The following GIPC2 variants were observed in gnomAD, a reference collection of about 807,000 sequenced individuals.
GIPC2 encodes the protein PDZ domain-containing protein GIPC2.
GIPC2 carries 30 observed loss-of-function variants against 30.6 expected under a neutral mutation model. The observed-to-expected ratio is 0.98, with a 90% CI of 0.73 to 1.33. The LOEUF (loss-of-function observed/expected upper bound fraction) is 1.33, where lower values mean the gene tolerates loss of function less well. Ranked by LOEUF, GIPC2 falls within the 40% of genes most tolerant of loss-of-function variation. The pLI is 0.00. For missense variants in GIPC2, 414 were observed against 390.3 expected (o/e 1.06, Z -0.51); for synonymous variants, 167 against 150.0 (o/e 1.11, Z -0.83).
intron 1 of GIPC2, among the ~76,000 whole-genome samples, chr1:78,058,583 A>G (rs1285705133): frequency 1.3e-5 from 2 of 152,156 alleles, no homozygotes; most frequent in Non-Finnish European, 2.9e-5. Flanking sequence ...GGTTTCCTAA[A>G]ATGTGTTCCA....
chr1:78,125,833 C>T (rs1557551308), intron 4 of GIPC2, 48 bp from the exon 5 acceptor site: 5 of 1,013,636 alleles, frequency 4.9e-6, no homozygotes, highest in African/African-American at 3.2e-5. Flanking sequence ...CCCTGACAAT[C>T]AAGAGATTTT....
intron 3 of GIPC2, among the ~76,000 whole-genome samples, chr1:78,107,960 TTCC>T (rs1662392246): frequency 6.6e-6 from 1 of 152,054 alleles, no homozygotes; most frequent in Non-Finnish European, 1.5e-5. Flanking sequence ...TTATAAATAG[TTCC>T]ATGTGAGAAA....
intron 4 of GIPC2, among the ~76,000 whole-genome samples, chr1:78,121,551 C>T (rs148829656): frequency 2.3e-4 from 35 of 152,112 alleles, no homozygotes; most frequent in Admixed American, 8.5e-4. Context: ...TTAGGAATGT[C>T]GAGGCACCCA....
intron 1 of GIPC2, among the ~76,000 whole-genome samples, chr1:78,053,387 A>G (rs1296662621): frequency 6.6e-6 from 1 of 152,044 alleles, no homozygotes; most frequent in Non-Finnish European, 1.5e-5. Context: ...CCCTCTCCCA[A>G]ATCACCTAAC....
chr1:78,060,326 G>A (rs191446243), intron 1 of GIPC2, among the ~76,000 whole-genome samples: 109 of 152,128 alleles, frequency 7.2e-4, no homozygotes, highest in African/African-American at 2.5e-3. Flanking sequence ...TGTATTTTTA[G>A]TAGAGATGGG....
Position 78,076,934 on chromosome 1 carries a change from A to AT in GIPC2, c.241-3729dup, listed in dbSNP as rs552494311. Among the ~76,000 whole-genome samples, 993 of 144,304 alleles carry AT rather than the reference A, an allele frequency of 6.9e-3. 14 individuals carry two copies. The highest frequency in any genetic ancestry group is 0.023 in the African/African-American group (894 of 39,388). The allele number at this position is 144,304 out of a possible 152,430, so 94.7% of individuals were successfully genotyped here. On this transcript the variant is annotated intron_variant, in intron 1 of 5. Transcript: ENST00000370759. ...CAGGCACCTGCCACCATGCCTGGCT[A>AT]TTTTTTTTTTTTATTTTTAGAGATG...
chr1:78,073,252 C>A (rs537077057), intron 1 of GIPC2, among the ~76,000 whole-genome samples: 4 of 151,734 alleles, frequency 2.6e-5, no homozygotes, highest in African/African-American at 7.3e-5. Flanking sequence ...TACAGGTGCA[C>A]GCCACCACAC....
At chr1:78,110,788 T>C (rs774118761) in intron 3 of GIPC2, among the ~76,000 whole-genome samples, 1 of 152,218 alleles carries the variant, frequency 6.6e-6, no homozygotes, top group Non-Finnish European at 1.5e-5. Flanking sequence ...TCTCTGCTTA[T>C]GAATCACTTT....
intron 1 of GIPC2, among the ~76,000 whole-genome samples, chr1:78,074,635 T>A (rs554556866): frequency 6.6e-6 from 1 of 152,388 alleles, no homozygotes; most frequent in Non-Finnish European, 1.5e-5. Context: ...GAAGGGTACA[T>A]AATTGAAACT....
At chr1:78,100,555 C>T (rs1281733271) in intron 3 of GIPC2, among the ~76,000 whole-genome samples, 3 of 151,766 alleles carry the variant, frequency 2.0e-5, no homozygotes, top group African/African-American at 4.8e-5. Context: ...TAGATATGGG[C>T]GAGGAGATAG....
intron 3 of GIPC2, among the ~76,000 whole-genome samples, chr1:78,106,983 C>T (rs529915509): frequency 8.6e-5 from 13 of 152,046 alleles, no homozygotes; most frequent in Middle Eastern, 3.4e-3. Context: ...GCCTAGGTGG[C>T]GAGTTTATGG....
chr1:78,070,590 A>C (rs1444490576), intron 1 of GIPC2, among the ~76,000 whole-genome samples: 2 of 152,112 alleles, frequency 1.3e-5, no homozygotes, highest in East Asian at 3.9e-4. Flanking sequence ...GTATTTGTGT[A>C]ATGTCCACAA....
At chr1:78,127,942 T>C (rs1049561826) in intron 5 of GIPC2, among the ~76,000 whole-genome samples, 1 of 152,298 alleles carries the variant, frequency 6.6e-6, no homozygotes, top group East Asian at 1.9e-4. Flanking sequence ...CCCTGTCTCG[T>C]CTGTCAAAGT....
chr1:78,056,220 T>C (rs1040929226), intron 1 of GIPC2, among the ~76,000 whole-genome samples: 2 of 152,218 alleles, frequency 1.3e-5, no homozygotes, highest in African/African-American at 4.8e-5. Context: ...CTCACGCCTG[T>C]AATCCCAGAA....
At chr1:78,067,612 C>T (rs137887047) in intron 1 of GIPC2, among the ~76,000 whole-genome samples, 54 of 152,082 alleles carry the variant, frequency 3.6e-4, no homozygotes, top group Middle Eastern at 3.4e-3. Flanking sequence ...ACGACCATGC[C>T]CGGCTAATTT....
At chr1:78,074,457 A>G (rs1661676454) in intron 1 of GIPC2, among the ~76,000 whole-genome samples, 1 of 152,184 alleles carries the variant, frequency 6.6e-6, no homozygotes, top group Non-Finnish European at 1.5e-5. Context: ...TCCTGACCTT[A>G]AGCGATCCTC....
At chr1:78,063,242 G>A (rs1209706301) in intron 1 of GIPC2, among the ~76,000 whole-genome samples, 3 of 152,176 alleles carry the variant, frequency 2.0e-5, no homozygotes, top group South Asian at 2.1e-4. Flanking sequence ...GCTCATGCCT[G>A]TAATCCCAGC....
intron 2 of GIPC2, among the ~76,000 whole-genome samples, chr1:78,084,631 C>T (rs1661893654): frequency 6.6e-6 from 1 of 151,996 alleles, no homozygotes; most frequent in South Asian, 2.1e-4. Flanking sequence ...AAAATATTTA[C>T]TCATTGTAGA....
At chr1:78,093,718 A>G (rs1662085623) in intron 2 of GIPC2, among the ~76,000 whole-genome samples, 1 of 152,200 alleles carries the variant, frequency 6.6e-6, no homozygotes, top group Non-Finnish European at 1.5e-5. Context: ...TAGCAAGGGT[A>G]AAGAATACAC....
Sources: gnomAD v4.1 joint callset for allele counts (sites outside exome capture counted in the v4.1 genomes callset) on GRCh38, gnomAD v4.1.1 for gene constraint, MANE v1.5 for transcripts, NCBI Gene and HGNC (gene_info 2026-07-23, HGNC 2026-07-21) for gene names.